ATOSA: variants seen among roughly 807,000 people sequenced by gnomAD.
The protein encoded by ATOSA is atos homolog protein A.
At chr15:52,709,137 C>A in the ATOSA span, among the ~76,000 whole-genome samples, 4 of 152,138 alleles carry the variant, frequency 2.6e-5, no homozygotes, top group African/African-American at 7.2e-5. Context: ...CAAAGCACAT[C>A]CAGGCAAGTG....
chr15:52,641,190 T>C, the ATOSA span, among the ~76,000 whole-genome samples: 1 of 152,236 alleles, frequency 6.6e-6, no homozygotes, highest in Non-Finnish European at 1.5e-5. Context: ...AAAGTAAAAA[T>C]ACTTCCATCA....
chr15:52,608,659 G>A, the ATOSA span: 1 of 1,611,760 alleles, frequency 6.2e-7, no homozygotes, highest in East Asian at 2.2e-5. Flanking sequence ...TTCATTAGTT[G>A]GATCTTCTTG....
the ATOSA span, among the ~76,000 whole-genome samples, chr15:52,691,271 T>C: frequency 6.6e-6 from 1 of 152,330 alleles, no homozygotes; most frequent in East Asian, 1.9e-4. Flanking sequence ...CCTGAACTTC[T>C]AATTGCTTTA....
chr15:52,645,463 T>TA, the ATOSA span, among the ~76,000 whole-genome samples: 2 of 151,756 alleles, frequency 1.3e-5, no homozygotes, highest in African/African-American at 2.4e-5. Flanking sequence ...AATAAATAAA[T>TA]AATTTTTTAA....
chr15:52,584,240 GTT>G, the ATOSA span, among the ~76,000 whole-genome samples: 1 of 151,010 alleles, frequency 6.6e-6, no homozygotes, highest in Non-Finnish European at 1.5e-5. Flanking sequence ...CACCTCCCGG[GTT>G]CAAGCAATTC....
chr15:52,621,218 A>T, the ATOSA span, among the ~76,000 whole-genome samples: 3 of 152,208 alleles, frequency 2.0e-5, no homozygotes, highest in Admixed American at 2.0e-4. Flanking sequence ...TATCTACAAT[A>T]TAAGTAAAAC....
the ATOSA span, chr15:52,677,886 G>A: frequency 2.9e-6 from 4 of 1,362,154 alleles, no homozygotes; most frequent in Non-Finnish European, 4.2e-6. Context: ...CACAAAAACA[G>A]ATAATCACAT....
chr15:52,658,488 T>G, the ATOSA span: 1 of 368,334 alleles, frequency 2.7e-6, no homozygotes. Context: ...ACCAGCAAGA[T>G]TTTAACTACA....
the ATOSA span, chr15:52,587,178 T>G: frequency 1.2e-6 from 2 of 1,613,614 alleles, no homozygotes; most frequent in Admixed American, 3.3e-5. Flanking sequence ...AAGGAGGTAC[T>G]CGATAACCCC....
the ATOSA span, chr15:52,582,272 T>C: frequency 6.3e-7 from 1 of 1,594,366 alleles, no homozygotes; most frequent in Non-Finnish European, 8.5e-7. Flanking sequence ...TACGTCTCTA[T>C]GGAGGTAGAT....
the ATOSA span, among the ~76,000 whole-genome samples, chr15:52,686,649 A>G: frequency 6.6e-6 from 1 of 152,214 alleles, no homozygotes; most frequent in South Asian, 2.1e-4. Flanking sequence ...CCAAAGCTCA[A>G]TTAGGCATAG....
the ATOSA span, among the ~76,000 whole-genome samples, chr15:52,628,751 T>A: frequency 1.3e-5 from 2 of 152,074 alleles, no homozygotes; most frequent in African/African-American, 2.4e-5. Context: ...TTTTTATGTA[T>A]CTTCCATTAA....
At chr15:52,649,296 A>G in the ATOSA span, among the ~76,000 whole-genome samples, 1 of 152,194 alleles carries the variant, frequency 6.6e-6, no homozygotes, top group Non-Finnish European at 1.5e-5. Flanking sequence ...AAAATGTGTC[A>G]TATATCACTT....
chr15:52,646,712 A>C, the ATOSA span, among the ~76,000 whole-genome samples: 1 of 152,214 alleles, frequency 6.6e-6, no homozygotes, highest in African/African-American at 2.4e-5. Flanking sequence ...TTTAAGCCTC[A>C]ATTTTTAAAT....
the ATOSA span, among the ~76,000 whole-genome samples, chr15:52,583,596 G>GGCTGGTCTTGAGCT: frequency 6.6e-6 from 1 of 152,314 alleles, no homozygotes; most frequent in South Asian, 2.1e-4. Flanking sequence ...ATGTTGGCCA[G>GGCTGGTCTTGAGCT]GCTGGTCTTG....
the ATOSA span, among the ~76,000 whole-genome samples, chr15:52,640,266 T>C: frequency 6.6e-6 from 1 of 151,874 alleles, no homozygotes; most frequent in Admixed American, 6.6e-5. Flanking sequence ...TTTTATCTTT[T>C]ACTAACAAAA....
the ATOSA span, among the ~76,000 whole-genome samples, chr15:52,687,764 C>T: frequency 6.6e-6 from 1 of 151,988 alleles, no homozygotes; most frequent in East Asian, 1.9e-4. Flanking sequence ...TGCCGTTAGC[C>T]CCAGTCTTCA....
chr15:52,582,944 CCAAA>C, the ATOSA span, among the ~76,000 whole-genome samples: 4 of 152,214 alleles, frequency 2.6e-5, no homozygotes, highest in Admixed American at 1.3e-4. Context: ...AACTTACCTA[CCAAA>C]CAGACAAACA....
the ATOSA span, chr15:52,605,287 T>A: frequency 4.4e-6 from 6 of 1,365,028 alleles, no homozygotes; most frequent in Non-Finnish European, 6.1e-6. Context: ...AATATTTAAA[T>A]ACCATTTAAA....
Sources: allele counts gnomAD v4.1 joint callset (sites outside exome capture counted in the v4.1 genomes callset), GRCh38; gene constraint gnomAD v4.1.1; transcripts MANE v1.5; gene names NCBI Gene and HGNC (gene_info 2026-07-23, HGNC 2026-07-21).